ADRA1B: variants seen among roughly 807,000 people sequenced by gnomAD.
The protein encoded by ADRA1B is adrenoceptor alpha 1B.
In ADRA1B, 17 loss-of-function variants were observed where a neutral mutation model predicts 17.9. The observed-to-expected ratio is 0.95, with a 90% CI of 0.65 to 1.42. ADRA1B has a LOEUF of 1.42. Ranked by LOEUF, ADRA1B falls within the 40% of genes most tolerant of loss-of-function variation. ADRA1B has a pLI of 0.00. For synonymous variants in ADRA1B, 366 were observed against 327.6 expected (o/e 1.12, Z -1.27); for missense variants, 681 against 722.1 (o/e 0.94, Z 0.65).
At position 159,972,166 on chromosome 5, in the gene ADRA1B, T is replaced by TGCCTGAGCGGCAGCC. The variant is rs1755884772; in HGVS notation, c.1238_1252dup (p.Ser417_Gln418insArgLeuSerGlySer). The TGCCTGAGCGGCAGCC allele has an allele frequency of 2.2e-6, 3 of 1,360,124 alleles. No homozygotes were observed. The highest frequency in any genetic ancestry group is 2.9e-6 in the Non-Finnish European group (3 of 1,048,500). The allele number at this position is 1,360,124 out of a possible 1,614,324, so 84.3% of individuals were successfully genotyped here. On this transcript the variant is annotated inframe_insertion, in exon 2 of 2. Coordinates refer to ENST00000306675, the MANE Select transcript of ADRA1B (RefSeq NM_000679.4). ...GGACTCGCTGGACGACAGCGGCAGC[T>TGCCTGAGCGGCAGCC]GCCTGAGCGGCAGCCAGCGGACCCT...
At chr5:159,950,811 G>T in intron 1 of ADRA1B, 1 of 593,846 alleles carries the variant, frequency 1.7e-6, no homozygotes, top group Non-Finnish European at 3.1e-6. Context: ...AGAAGCCCAT[G>T]TCAGTGAGCT....
intron 1 of ADRA1B, chr5:159,887,965 G>T (rs982479055): frequency 1.3e-5 from 2 of 151,974 alleles, no homozygotes; most frequent in Non-Finnish European, 2.9e-5. Flanking sequence ...TTTCCATATT[G>T]GGCTTTCAAA....
intron 1 of ADRA1B, chr5:159,951,374 G>A: frequency 1.0e-6 from 1 of 978,716 alleles, no homozygotes; most frequent in South Asian, 1.3e-5. Context: ...TGTAAACCAT[G>A]TAGTTGAGGT....
At chr5:159,919,743 G>A (rs926035782) in intron 1 of ADRA1B, among the ~76,000 whole-genome samples, 12 of 152,248 alleles carry the variant, frequency 7.9e-5, no homozygotes, top group Admixed American at 4.6e-4. Flanking sequence ...TGTGACCAGA[G>A]CATGCTCAGG....
chr5:159,947,975 T>C, intron 1 of ADRA1B: 7 of 985,464 alleles, frequency 7.1e-6, no homozygotes, highest in Non-Finnish European at 8.4e-6. Flanking sequence ...CTTTGCGTCA[T>C]GAAGGGAATT....
rs369618610 is a variant in ADRA1B, at chr5:159,916,927, G to A, written c.22G>A (p.Gly8Ser). The change falls in exon 1 of 2, where the codon GGC becomes AGC. Residue 8 changes from glycine (G) to serine (S), a missense_variant. Physicochemically the swap from Gly to Ser is moderately conservative, Grantham distance 56 (BLOSUM62 0). Around this residue, in one of 3 missense-constraint regions of ADRA1B, gnomAD observed 424 missense variants for 480.2 expected, o/e 0.88. Transcript: ENST00000306675. Reference sequence around the variant, plus strand: ...TAAGATGAATCCCGACCTGGACACCGGCCACAACACATCAGCACCTGCCCA... The same window carrying A: ...TAAGATGAATCCCGACCTGGACACCAGCCACAACACATCAGCACCTGCCCA... Reference protein sequence around the residue: MNPDLDTGHNTSAPAHWG... With the variant: MNPDLDTSHNTSAPAHWG... 8 of 1,612,884 alleles carry A rather than the reference G, an allele frequency of 5.0e-6. No individual in the cohort carries two copies. The African/African-American group carries it at 9.3e-5, about 19-fold the overall frequency.
intron 1 of ADRA1B, among the ~76,000 whole-genome samples, chr5:159,967,176 A>G (rs1755791099): frequency 6.6e-6 from 1 of 152,198 alleles, no homozygotes; most frequent in African/African-American, 2.4e-5. Context: ...ATTACTTTTG[A>G]AATAAAAAAA....
At chr5:159,904,090 C>T (rs981086359) in intron 1 of ADRA1B, among the ~76,000 whole-genome samples, 5 of 152,142 alleles carry the variant, frequency 3.3e-5, no homozygotes, top group Non-Finnish European at 7.4e-5. Context: ...GTATGTCTTT[C>T]CATAGTTTTG....
intron 1 of ADRA1B, among the ~76,000 whole-genome samples, chr5:159,929,438 T>C (rs1338218007): frequency 6.6e-6 from 1 of 151,716 alleles, no homozygotes; most frequent in East Asian, 1.9e-4. Flanking sequence ...GTTTGGGTTT[T>C]TTTTGGTTTT....
At chr5:159,908,566 A>G (rs1223107750) in intron 1 of ADRA1B, among the ~76,000 whole-genome samples, 1 of 152,128 alleles carries the variant, frequency 6.6e-6, no homozygotes, top group Non-Finnish European at 1.5e-5. Flanking sequence ...ATGGAGTGGA[A>G]GTAGCCTGAG....
At chr5:159,909,529 G>T (rs1754203465) in intron 1 of ADRA1B, among the ~76,000 whole-genome samples, 3 of 152,226 alleles carry the variant, frequency 2.0e-5, no homozygotes, top group Admixed American at 6.5e-5. Flanking sequence ...GAAGAGAAAG[G>T]ATGGAGAAAC....
At chr5:159,941,919 CTTTTTTTTTTTTT>C in intron 1 of ADRA1B, among the ~76,000 whole-genome samples, 1 of 122,144 alleles carries the variant, frequency 8.2e-6, no homozygotes, top group South Asian at 2.7e-4. Flanking sequence ...TACTGGGTTT[CTTTTTTTTTTTTT>C]TTTTTTTTGA....
intron 1 of ADRA1B, among the ~76,000 whole-genome samples, chr5:159,895,422 T>A (rs1754031716): frequency 6.6e-6 from 1 of 152,228 alleles, no homozygotes; most frequent in Non-Finnish European, 1.5e-5. Flanking sequence ...TGGAACAAGA[T>A]GCTACTGCTA....
chr5:159,866,131 A>G (rs528198387), intron 1 of ADRA1B, among the ~76,000 whole-genome samples: 1 of 152,142 alleles, frequency 6.6e-6, no homozygotes, highest in African/African-American at 2.4e-5. Flanking sequence ...GTGAAACCTC[A>G]TATCTACAAA....
chr5:159,908,328 G>T (rs1323677813), intron 1 of ADRA1B, among the ~76,000 whole-genome samples: 1 of 152,196 alleles, frequency 6.6e-6, no homozygotes, highest in Admixed American at 6.5e-5. Flanking sequence ...GCTATGGTTT[G>T]AATATGGTTT....
intron 1 of ADRA1B, among the ~76,000 whole-genome samples, chr5:159,866,124 A>C (rs1259905078): frequency 6.6e-6 from 1 of 152,006 alleles, no homozygotes; most frequent in Non-Finnish European, 1.5e-5. Flanking sequence ...CAGCATAGTG[A>C]AACCTCATAT....
intron 1 of ADRA1B, among the ~76,000 whole-genome samples, chr5:159,896,842 G>T (rs935157217): frequency 1.3e-5 from 2 of 152,166 alleles, no homozygotes; most frequent in Non-Finnish European, 2.9e-5. Context: ...ATGCAGGATT[G>T]TTGCATATTA....
rs1455247583 is a variant in ADRA1B at position 159,963,292 on chromosome 5, A to ATATATATATATG, written c.950-8576_950-8575insGTATATATATAT. ...GACAGTGAATAAACAAAAAAAGTATATATATATATATATATATCCACACAC... is the reference window on the plus strand; with the variant it reads ...GACAGTGAATAAACAAAAAAAGTATATATATATATATGTATATATATATATATATCCACACAC... On this transcript the variant is annotated intron_variant, in intron 1 of 1. Transcript: ENST00000306675. Among the ~76,000 whole-genome samples, 8 of 149,308 alleles carry ATATATATATATG rather than the reference A, an allele frequency of 5.4e-5. No individual in the cohort carries two copies. In the East Asian group the frequency reaches 5.9e-4, roughly 11 times the overall value.
At position 159,946,783 on chromosome 5, in the gene ADRA1B, T is replaced by G. The variant is rs549426877; in HGVS notation, c.950-25096T>G. ...AGCTCATACATAAACATGGCATAGA[T>G]TCTGGAAAGCCTGCAGGTTACCTTG... On this transcript the variant is annotated intron_variant, in intron 1 of 1. Coordinates refer to ENST00000306675, the MANE Select transcript of ADRA1B (RefSeq NM_000679.4). Among the ~76,000 whole-genome samples, 3 of 152,350 alleles carry G rather than the reference T, an allele frequency of 2.0e-5. No individual in the cohort carries two copies. In the South Asian group the frequency reaches 6.2e-4, roughly 32 times the overall value.
Sources: gnomAD v4.1 joint callset for allele counts (sites outside exome capture counted in the v4.1 genomes callset) on GRCh38, gnomAD v4.1.1 for gene constraint, gnomAD v4.1.1 regional missense constraint, MANE v1.5 for transcripts, NCBI Gene and HGNC (gene_info 2026-07-23, HGNC 2026-07-21) for gene names.